UBE3B: variants seen among roughly 807,000 people sequenced by gnomAD.
UBE3B encodes ubiquitin protein ligase E3B.
A neutral mutation model predicts 132.3 loss-of-function variants in UBE3B; 80 were observed. That is an observed-to-expected ratio of 0.60 (90% CI 0.50 to 0.73). The LOEUF is 0.73. UBE3B is among the 30% of genes least tolerant of loss of function. The pLI is 0.00. For synonymous variants in UBE3B, 487 were observed against 520.4 expected (o/e 0.94, Z 0.87); for missense variants, 1,196 against 1,362.5 (o/e 0.88, Z 1.92).
intron 19 of UBE3B, chr12:109,520,894 T>A (rs763962038): frequency 2.7e-6 from 1 of 366,094 alleles, no homozygotes; most frequent in African/African-American, 2.0e-5. Flanking sequence ...AACTTCCCCA[T>A]CTCACTGCTC....
At chr12:109,520,988 T>C (rs1881640492) in intron 19 of UBE3B, 160 bp from the exon 20 acceptor site, 5 of 746,038 alleles carry the variant, frequency 6.7e-6, no homozygotes, top group Middle Eastern at 3.9e-4. Context: ...TCAGCACTCA[T>C]TCAAAAGCAG....
downstream of UBE3B, among the ~76,000 whole-genome samples, chr12:109,541,288 C>T (rs1018798566): frequency 1.3e-5 from 2 of 152,180 alleles, no homozygotes; most frequent in East Asian, 1.9e-4. Context: ...AGGCCGGTGA[C>T]GGGCAATGTG....
chr12:109,521,063 G>C lies in UBE3B; in HGVS notation c.2077-85G>C, dbSNP rs1433697937. 4.0e-6 allele frequency: 6 copies of C among 1,484,684 alleles called. No individual in the cohort carries two copies. Among genetic ancestry groups the C allele is most frequent in the Non-Finnish European group, 4.6e-6 (5 of 1,090,030 alleles). The allele number at this position is 1,484,684 out of a possible 1,614,324, so 92.0% of individuals were successfully genotyped here. On this transcript the variant is annotated intron_variant, in intron 19 of 27. Transcript: ENST00000342494. The surrounding 1 kb of genome is among the most constrained non-coding windows in gnomAD (Gnocchi z 4.2). ...TGCACATTTGGTAATGATGCTGGGAGAGCTTCGCACAGAGGAGAGGGAACC... is the reference window on the plus strand; with the variant it reads ...TGCACATTTGGTAATGATGCTGGGACAGCTTCGCACAGAGGAGAGGGAACC...
At chr12:109,490,140 C>A in intron 8 of UBE3B, 136 bp downstream of exon 8, 2 of 928,752 alleles carry the variant, frequency 2.2e-6, no homozygotes, top group Non-Finnish European at 1.7e-6. Flanking sequence ...TGCCTGCTGT[C>A]CTCTTCTTCC....
intron 9 of UBE3B, chr12:109,492,329 T>G (rs1413685656): frequency 6.6e-6 from 1 of 152,014 alleles, no homozygotes; most frequent in Admixed American, 6.6e-5. Flanking sequence ...ATGTAACTAG[T>G]AGCAATTGTG....
the UBE3B span, among the ~76,000 whole-genome samples, chr12:109,544,634 C>T: frequency 6.6e-6 from 1 of 152,148 alleles, no homozygotes; most frequent in East Asian, 1.9e-4. Context: ...TCCATGTGGT[C>T]CCCTCTGTGT....
At chr12:109,499,398 A>G (rs1478020149) in intron 11 of UBE3B, among the ~76,000 whole-genome samples, 1 of 152,218 alleles carries the variant, frequency 6.6e-6, no homozygotes, top group African/African-American at 2.4e-5. Context: ...AGTTTGAGAC[A>G]TGGGTTGACG....
intron 7 of UBE3B, among the ~76,000 whole-genome samples, chr12:109,489,553 G>A (rs1287609423): frequency 6.6e-6 from 1 of 152,228 alleles, no homozygotes; most frequent in African/African-American, 2.4e-5. Context: ...TCTGGGCCCT[G>A]CTGGGAAGCT....
the UBE3B span, among the ~76,000 whole-genome samples, chr12:109,545,142 T>C: frequency 2.0e-5 from 3 of 152,220 alleles, no homozygotes; most frequent in Non-Finnish European, 4.4e-5. Flanking sequence ...CCACTGACTC[T>C]CCTGACCTGC....
intron 19 of UBE3B, chr12:109,520,749 TTTTTTTTTC>T: frequency 6.3e-6 from 1 of 158,650 alleles, no homozygotes; most frequent in Non-Finnish European, 1.4e-5. Context: ...TTTGATTTTT[TTTTTTTTTC>T]TTTTTTCTTT....
At chr12:109,498,075 A>T in intron 10 of UBE3B, 152 bp downstream of exon 10, 2 of 1,320,618 alleles carry the variant, frequency 1.5e-6, no homozygotes, top group Non-Finnish European at 2.1e-6. Flanking sequence ...CATTTGTGTT[A>T]GTAGCCCAAA....
intron 9 of UBE3B, among the ~76,000 whole-genome samples, chr12:109,496,373 T>C (rs574111725): frequency 2.0e-5 from 3 of 152,370 alleles, no homozygotes; most frequent in South Asian, 4.1e-4. Flanking sequence ...TATAGACATA[T>C]GTTTTCATTT....
At position 109,526,862 on chromosome 12, in the gene UBE3B, C is replaced by G. The variant is rs573881235; in HGVS notation, c.2627+446C>G. On this transcript the variant is annotated intron_variant, in intron 24 of 27. Coordinates refer to ENST00000342494, the MANE Select transcript of UBE3B (RefSeq NM_130466.4). ...CTCCAGCCTGGGCGACAGAGTGAGA[C>G]TCCGTCTCAAAAAAAAAAAAAAATT... Among the ~76,000 whole-genome samples, 3 of 127,526 alleles carry G rather than the reference C, an allele frequency of 2.4e-5. No homozygotes were observed. The East Asian group carries it at 6.1e-4, about 26-fold the overall frequency. 83.7% of individuals were successfully genotyped at this position (127,526 alleles called of 152,430 possible).
Position 109,521,543 on chromosome 12 carries a change from G to A in UBE3B, c.2356G>A (p.Val786Met). 6.3e-7 allele frequency: 1 copy of A among 1,582,240 alleles called. No individual in the cohort carries two copies. The highest frequency in any genetic ancestry group is 8.6e-7 in the Non-Finnish European group (1 of 1,165,170). The change falls in exon 21 of 28, where the codon GTG (valine) becomes ATG (methionine). Residue 786 changes from valine to methionine, a missense_variant. By Grantham distance (21) the Val-to-Met change is conservative. Coordinates refer to ENST00000342494, the MANE Select transcript of UBE3B (RefSeq NM_130466.4). This position sits in a 1 kb window ranked among gnomAD's most constrained non-coding sequence, Gnocchi z 4.2. ...TGTGGGGAAGATGCTGGGGAAGGCT[G>A]TGTATGAGGTAGGAACGTTAAGAAA... is the stretch of plus-strand genomic sequence containing the variant. ...EFVGKMLGKAVYEGIVVDVPF... is the reference protein window; with the variant it reads ...EFVGKMLGKAMYEGIVVDVPF...
chr12:109,515,237 G>A (rs1453631374), intron 18 of UBE3B, among the ~76,000 whole-genome samples: 3 of 151,876 alleles, frequency 2.0e-5, no homozygotes, highest in African/African-American at 7.3e-5. Context: ...TTAAGGGGCT[G>A]TTGGTCATTG....
intron 12 of UBE3B, among the ~76,000 whole-genome samples, chr12:109,500,106 G>T (rs1878775680): frequency 1.3e-5 from 2 of 152,054 alleles, no homozygotes; most frequent in Admixed American, 6.6e-5. Flanking sequence ...ATTCAGCTAT[G>T]GACCTTATCA....
chr12:109,508,374 A>G (rs1042041861), intron 15 of UBE3B: 4 of 286,898 alleles, frequency 1.4e-5, no homozygotes, highest in Non-Finnish European at 2.1e-5. Context: ...TACCAGTTCA[A>G]TAGAGGGTAA....
intron 4 of UBE3B, 143 bp downstream of exon 4, chr12:109,484,124 T>C (rs1385609839): frequency 2.3e-6 from 2 of 872,950 alleles, no homozygotes; most frequent in Non-Finnish European, 3.3e-6. Context: ...TCTTGGGACC[T>C]GTTTTGGAGG....
chr12:109,515,812 A>G (rs1161224150), intron 18 of UBE3B, among the ~76,000 whole-genome samples: 1 of 152,204 alleles, frequency 6.6e-6, no homozygotes, highest in Admixed American at 6.5e-5. Flanking sequence ...TGAGCCCAGG[A>G]TGGGGCAAAG....
Sources: gnomAD v4.1 joint callset for allele counts (sites outside exome capture counted in the v4.1 genomes callset) on GRCh38, gnomAD v4.1.1 for gene constraint, Gnocchi (gnomAD v3.1) non-coding constraint, MANE v1.5 for transcripts, NCBI Gene and HGNC (gene_info 2026-07-23, HGNC 2026-07-21) for gene names.